Variants in GABBR1 observed in about 807,000 individuals in gnomAD.
The protein encoded by GABBR1 is gamma-aminobutyric acid type B receptor subunit 1, also known as GABA-B receptor, R1 subunit.
A neutral mutation model predicts 117.7 loss-of-function variants in GABBR1; 35 were observed. The observed-to-expected ratio is 0.30, with a 90% CI of 0.23 to 0.39. GABBR1 has a LOEUF of 0.39. Among genes scored for constraint, GABBR1 ranks in the 10% least tolerant of loss-of-function variants. The pLI, the probability that GABBR1 is intolerant of heterozygous loss-of-function variation, is 1.00. For missense variants in GABBR1, 709 were observed against 1,241.8 expected, an observed-to-expected ratio of 0.57 and a Z score of 6.45; for synonymous variants, 442 against 486.6, an observed-to-expected ratio of 0.91 and a Z score of 1.21.
At position 29,611,078 on chromosome 6, in the gene GABBR1, C is replaced by T; in HGVS notation, c.1631-77G>A. On this transcript the variant is annotated intron_variant, in intron 13 of 22. Coordinates refer to ENST00000377034, the MANE Select transcript of GABBR1 (RefSeq NM_001470.4). This position sits in a 1 kb window ranked among gnomAD's most constrained non-coding sequence, Gnocchi z 4.6. Reference sequence around the variant, plus strand: ...CTAGGCATTTTCAACTTCCCACTTCCCTAGAGCTTTGCATGGTTGTATCTG... The same window carrying T: ...CTAGGCATTTTCAACTTCCCACTTCTCTAGAGCTTTGCATGGTTGTATCTG... The T allele has an allele frequency of 8.7e-7, 1 of 1,145,172 alleles. No homozygotes were observed. Among genetic ancestry groups the T allele is most frequent in the Non-Finnish European group, 1.3e-6 (1 of 757,896 alleles). 70.9% of individuals were successfully genotyped at this position (1,145,172 alleles called of 1,614,324 possible).
intron 4 of GABBR1, 28 bp from the exon 5 acceptor site, chr6:29,629,135 G>T (rs758777635): frequency 1.9e-6 from 3 of 1,612,882 alleles, no homozygotes; most frequent in South Asian, 2.2e-5. Flanking sequence ...GGGGATCAGA[G>T]AAGAGTTACC....
In GABBR1 at chr6:29,606,301, C is replaced by T. The variant is rs955689640; in HGVS notation, c.2311+90G>A. 2 of 894,310 alleles carry T rather than the reference C, an allele frequency of 2.2e-6. No homozygotes were observed. The highest frequency in any genetic ancestry group is 3.8e-6 in the Non-Finnish European group (2 of 532,206). The allele number at this position is 894,310 out of a possible 1,614,324, so 55.4% of individuals were successfully genotyped here. ...GTTGACAAGCTCTCTACCTCCTCTT[C>T]CAAAGACCCCTCTCCCTCCAAGCCC... On this transcript the variant is annotated intron_variant, in intron 19 of 22. Coordinates refer to ENST00000377034, the MANE Select transcript of GABBR1 (RefSeq NM_001470.4). This position sits in a 1 kb window ranked among gnomAD's most constrained non-coding sequence, Gnocchi z 4.5.
chr6:29,623,983 G>A lies in GABBR1; in HGVS notation c.699C>T (p.Leu233=). The A allele has an allele frequency of 6.2e-7, 1 of 1,613,020 alleles. No homozygotes were observed. Among genetic ancestry groups the A allele is most frequent in the Non-Finnish European group, 8.5e-7 (1 of 1,179,986 alleles). ...GGATGATCTTGATAGGGTCGTTGTA[G>A]AGCAGCTCATATAGGTACTTGGTGG... ...GQATKYLYEL[L]YNDPIKIILM... The change falls in exon 7 of 23, where the codon CTC becomes CTT. Residue 233 remains leucine, a synonymous_variant. Coordinates refer to ENST00000377034, the MANE Select transcript of GABBR1 (RefSeq NM_001470.4). This position sits in a 1 kb window ranked among gnomAD's most constrained non-coding sequence, Gnocchi z 6.2.
In GABBR1 at chr6:29,623,193, C is replaced by A; in HGVS notation, c.963+112G>T. On this transcript the variant is annotated intron_variant, in intron 8 of 22. Transcript: ENST00000377034. The surrounding 1 kb of genome is among the most constrained non-coding windows in gnomAD (Gnocchi z 6.2). ...GCACTTAATCCACATGGAATGCGTT[C>A]TCTTTCAATGAAGAATCAAGTTCTT... The A allele has an allele frequency of 1.0e-6, 1 of 961,862 alleles. No individual in the cohort carries two copies. The highest frequency in any genetic ancestry group is 1.7e-5 in the South Asian group (1 of 57,442). The allele number at this position is 961,862 out of a possible 1,614,324, so 59.6% of individuals were successfully genotyped here. A position where few individuals can be genotyped will look rare whatever the true frequency, so the allele number is the denominator to read the frequency against.
At position 29,627,449 on chromosome 6, in the gene GABBR1, GC is replaced by G; in HGVS notation, c.657+36del. ...AGCTGGCTGGCCCCCTGCCCCGCAAGCCCCCACCTCCCACCCACCCCCATGT... is the reference window on the plus strand; with the variant it reads ...AGCTGGCTGGCCCCCTGCCCCGCAAGCCCCACCTCCCACCCACCCCCATGT... On this transcript the variant is annotated intron_variant, in intron 6 of 22. Coordinates refer to ENST00000377034, the MANE Select transcript of GABBR1 (RefSeq NM_001470.4). This position sits in a 1 kb window ranked among gnomAD's most constrained non-coding sequence, Gnocchi z 4.4. The G allele has an allele frequency of 8.3e-7, 1 of 1,204,816 alleles. No individual in the cohort carries two copies. The highest frequency in any genetic ancestry group is 1.6e-5 in the African/African-American group (1 of 63,960). The allele number at this position is 1,204,816 out of a possible 1,614,324, so 74.6% of individuals were successfully genotyped here. A position where few individuals can be genotyped will look rare whatever the true frequency, so the allele number is the denominator to read the frequency against.
In GABBR1 at chr6:29,627,996, T is replaced by C; in HGVS notation, c.497-350A>G. ...CGCCACCGTCGCCGCCACCGCGGAC[T>C]CTCCTCGCGGACTGACTGACCGACG... is the stretch of plus-strand genomic sequence containing the variant. On this transcript the variant is annotated intron_variant, in intron 5 of 22. Transcript: ENST00000377034. The surrounding 1 kb of genome is among the most constrained non-coding windows in gnomAD (Gnocchi z 4.4). 1 of 1,329,012 alleles carries C rather than the reference T, an allele frequency of 7.5e-7. No individual in the cohort carries two copies. The highest frequency in any genetic ancestry group is 9.5e-7 in the Non-Finnish European group (1 of 1,048,196). 82.3% of individuals were successfully genotyped at this position (1,329,012 alleles called of 1,614,324 possible).
rs374575142 is a variant in GABBR1 at position 29,632,860 on chromosome 6, G to C, written c.-11C>G. 6.3e-4 allele frequency: 198 copies of C among 316,142 alleles called. No individual in the cohort carries two copies. Among genetic ancestry groups the C allele is most frequent in the South Asian group, 4.6e-3 (147 of 31,980 alleles). The allele number at this position is 316,142 out of a possible 1,614,324, so 19.6% of individuals were successfully genotyped here. A position where few individuals can be genotyped will look rare whatever the true frequency, so the allele number is the denominator to read the frequency against. ...GGCCCTGGCTCTTACCTCGGCGCGCGGGCCCGGCTCCCCGGCTCTCCCCGG... is the reference window on the plus strand; with the variant it reads ...GGCCCTGGCTCTTACCTCGGCGCGCCGGCCCGGCTCCCCGGCTCTCCCCGG... On this transcript the variant is annotated 5_prime_UTR_variant, in exon 1 of 23. Transcript: ENST00000377034. The surrounding 1 kb of genome is among the most constrained non-coding windows in gnomAD (Gnocchi z 5.8).
In GABBR1 at chr6:29,603,708, C is replaced by T; in HGVS notation, c.2721G>A (p.Glu907=). ...GTTGATGGCGCAGTTCAGAGACACG[C>T]TCCTCTTTCTGGAGGAAGAAGCACA... ...ELEKIIAEKE[E]RVSELRHQLQ... is the part of the protein sequence containing the mutation. The change falls in exon 23 of 23, where the codon GAG becomes GAA. Residue 907 remains glutamate (E), a synonymous_variant. Coordinates refer to ENST00000377034, the MANE Select transcript of GABBR1 (RefSeq NM_001470.4). 1 of 1,481,608 alleles carries T rather than the reference C, an allele frequency of 6.7e-7. No individual in the cohort carries two copies. The highest frequency in any genetic ancestry group is 8.9e-7 in the Non-Finnish European group (1 of 1,118,400). 91.8% of individuals were successfully genotyped at this position (1,481,608 alleles called of 1,614,324 possible).
chr6:29,616,846 CAA>C (rs28383807), intron 11 of GABBR1, among the ~76,000 whole-genome samples: 28 of 74,398 alleles, frequency 3.8e-4, no homozygotes, highest in Admixed American at 4.5e-4. Context: ...TACTCTACCT[CAA>C]AAAAAAAAAA....
rs1583016682 is a variant in GABBR1, at chr6:29,627,838, G to A, written c.497-192C>T. ...TGTTGGGGAGCGTTAGGAGCTCAGG[G>A]GGGACACTTTTCCTGGGGAGGGCTG... On this transcript the variant is annotated intron_variant, in intron 5 of 22. Coordinates refer to ENST00000377034, the MANE Select transcript of GABBR1 (RefSeq NM_001470.4). This position sits in a 1 kb window ranked among gnomAD's most constrained non-coding sequence, Gnocchi z 4.4. The A allele has an allele frequency of 3.6e-6, 5 of 1,402,424 alleles. No individual in the cohort carries two copies. The African/African-American group carries it at 5.9e-5, about 17-fold the overall frequency. 86.9% of individuals were successfully genotyped at this position (1,402,424 alleles called of 1,614,324 possible).
rs1762731502 is a variant in GABBR1 at position 29,613,184 on chromosome 6, C to T, written c.1566+59G>A. On this transcript the variant is annotated intron_variant, in intron 12 of 22. Coordinates refer to ENST00000377034, the MANE Select transcript of GABBR1 (RefSeq NM_001470.4). The surrounding 1 kb of genome is among the most constrained non-coding windows in gnomAD (Gnocchi z 4.1). ...GAATGCATGTTTGTAGAAGGTGCCT[C>T]TTGGGAGTCTCTCTCAAGATTGGGA... is the stretch of plus-strand genomic sequence containing the variant. 1 of 1,573,988 alleles carries T rather than the reference C, an allele frequency of 6.4e-7. No individual in the cohort carries two copies. The highest frequency in any genetic ancestry group is 8.7e-7 in the Non-Finnish European group (1 of 1,149,144).
rs570026645 is a variant in GABBR1, at chr6:29,608,666, C to A, written c.1927G>T (p.Ala643Ser). The change falls in exon 16 of 23, where the codon GCT (alanine) becomes TCT (serine). Residue 643 changes from alanine to serine, a missense_variant. Ala to Ser is a moderately conservative substitution (Grantham distance 99). This residue lies in a region of GABBR1 where 251 missense variants were observed against 445.3 expected (regional missense o/e 0.56). Transcript: ENST00000377034. ...CCATCGAGCCCCAGGGGGAAGACAG[C>A]AGCTAAAGCCAGTGAGCAGCCCACA... ...TAVGCSLALA[A>S]VFPLGLDGYH... 10 of 1,613,018 alleles carry A rather than the reference C, an allele frequency of 6.2e-6. No homozygotes were observed. The highest frequency in any genetic ancestry group is 7.6e-6 in the Non-Finnish European group (9 of 1,179,980).
rs1415638626 is a variant in GABBR1 at position 29,602,312 on chromosome 6, T to TC, written c.*1230dup. 6.5e-6 allele frequency: 1 copy of TC among 153,224 alleles called. No homozygotes were observed. 9.5% of individuals were successfully genotyped at this position (153,224 alleles called of 1,614,324 possible). On this transcript the variant is annotated 3_prime_UTR_variant, in exon 23 of 23. Coordinates refer to ENST00000377034, the MANE Select transcript of GABBR1 (RefSeq NM_001470.4). ...ACCACAGTGTGAAAGGGACACCACC[T>TC]CCCACCCCATAGGTCCATCTGTCTA...
intron 4 of GABBR1, 57 bp from the exon 5 acceptor site, chr6:29,629,164 T>TG (rs755350231): frequency 2.5e-6 from 4 of 1,601,322 alleles, no homozygotes; most frequent in Non-Finnish European, 3.4e-6. Context: ...CCAGCTTCCC[T>TG]GGCCTGATCC....
In GABBR1 at chr6:29,623,498, G is replaced by A. The variant is rs1763967026; in HGVS notation, c.793-23C>T. Reference sequence around the variant, plus strand: ...AAGCTGTGGGGCAGGGAGAGTGAGTGCAACAGGGTCTGTTCACTGAGGACA... The same window carrying A: ...AAGCTGTGGGGCAGGGAGAGTGAGTACAACAGGGTCTGTTCACTGAGGACA... On this transcript the variant is annotated intron_variant, in intron 7 of 22. Transcript: ENST00000377034. The surrounding 1 kb of genome is among the most constrained non-coding windows in gnomAD (Gnocchi z 6.2). 2 of 1,610,654 alleles carry A rather than the reference G, an allele frequency of 1.2e-6. No individual in the cohort carries two copies. The highest frequency in any genetic ancestry group is 1.7e-6 in the Non-Finnish European group (2 of 1,178,754).
chr6:29,608,876 G>A (rs1366060492), intron 15 of GABBR1, 143 bp from the exon 16 acceptor site: 2 of 940,520 alleles, frequency 2.1e-6, no homozygotes, highest in Non-Finnish European at 3.1e-6. Context: ...AGAAGACAGT[G>A]GAGCCTTGAG....
Position 29,605,727 on chromosome 6 carries a change from A to G in GABBR1, c.2312-31T>C, listed in dbSNP as rs772364980. On this transcript the variant is annotated intron_variant, in intron 19 of 22. Transcript: ENST00000377034. This position sits in a 1 kb window ranked among gnomAD's most constrained non-coding sequence, Gnocchi z 4.2. ...ATGGCAGGAGAGAGTCACTTGAGCA[A>G]CAAGGACCACAATGCTCCTCACTCA... The G allele has an allele frequency of 1.9e-6, 3 of 1,605,844 alleles. No individual in the cohort carries two copies. Among genetic ancestry groups the G allele is most frequent in the South Asian group, 1.1e-5 (1 of 90,834 alleles).
In GABBR1 at chr6:29,612,496, C is replaced by T. The variant is rs1416619730; in HGVS notation, c.1630+55G>A. The T allele has an allele frequency of 3.9e-6, 6 of 1,519,696 alleles. No homozygotes were observed. In the African/African-American group the frequency reaches 6.9e-5, roughly 17 times the overall value. The allele number at this position is 1,519,696 out of a possible 1,614,324, so 94.1% of individuals were successfully genotyped here. ...TGGCATTCTTCCCCAGGGGGCATCC[C>T]AGCCCAGCCCCAGCCTAGCCCCCAT... On this transcript the variant is annotated intron_variant, in intron 13 of 22. Transcript: ENST00000377034.
In GABBR1 at chr6:29,631,054, CAG is replaced by C. The variant is rs2127453090; in HGVS notation, c.289+340_289+341del. ...GGGCATATGGTCTCTGGGTTGGTGA[CAG>C]AGGTATTCAAAAATGTGATGAAATC... is the stretch of plus-strand genomic sequence containing the variant. On this transcript the variant is annotated intron_variant, in intron 3 of 22. Transcript: ENST00000377034. The surrounding 1 kb of genome is among the most constrained non-coding windows in gnomAD (Gnocchi z 5.9). Among the ~76,000 whole-genome samples the C allele has an allele frequency of 6.6e-6, 1 of 152,250 alleles. No individual in the cohort carries two copies. Among genetic ancestry groups the C allele is most frequent in the South Asian group, 2.1e-4 (1 of 4,828 alleles).
Sources: allele counts gnomAD v4.1 joint callset (sites outside exome capture counted in the v4.1 genomes callset), GRCh38; gene constraint gnomAD v4.1.1; regional missense constraint gnomAD v4.1.1; non-coding constraint Gnocchi (gnomAD v3.1); transcripts MANE v1.5; gene names NCBI Gene and HGNC (gene_info 2026-07-23, HGNC 2026-07-21).